NEO1: variants seen among roughly 807,000 people sequenced by gnomAD.
NEO1 encodes neogenin.
Under a neutral mutation model 159.7 loss-of-function variants are expected in NEO1, and 63 were observed. The ratio of observed to expected loss-of-function variants is 0.39; its 90% CI spans 0.32 to 0.49. NEO1 has a LOEUF of 0.49. NEO1 is among the 20% of genes least tolerant of loss of function. NEO1 has a pLI of 0.85. For missense variants in NEO1, 1,615 were observed against 1,831.0 expected (o/e 0.88, Z 2.15); for synonymous variants, 633 against 662.0 (o/e 0.96, Z 0.67).
intron 16 of NEO1, 31 bp from the exon 17 acceptor site, chr15:73,269,979 C>T (rs2041099072): frequency 6.5e-7 from 1 of 1,531,096 alleles, no homozygotes; most frequent in Non-Finnish European, 9.0e-7. Flanking sequence ...ATTAAAATGC[C>T]ACTTCCCTTT....
chr15:73,185,042 T>C (rs1381705358), intron 7 of NEO1, among the ~76,000 whole-genome samples: 4 of 152,170 alleles, frequency 2.6e-5, no homozygotes, highest in Admixed American at 2.6e-4. Flanking sequence ...TTGAAAGGGC[T>C]AAAAACCGTG....
Position 73,228,955 on chromosome 15 carries a change from TTACTG to T in NEO1, c.1292-7389_1292-7385del, listed in dbSNP as rs2038752463. On this transcript the variant is annotated intron_variant, in intron 7 of 28. Coordinates refer to ENST00000261908, the MANE Select transcript of NEO1 (RefSeq NM_002499.4). ...CGATGTGCCTATTCATATGTCTTGATTACTGTAGCTTTACAGTAAATTTTGAAATT... is the reference window on the plus strand; with the variant it reads ...CGATGTGCCTATTCATATGTCTTGATTAGCTTTACAGTAAATTTTGAAATT... Among the ~76,000 whole-genome samples the T allele has an allele frequency of 5.9e-5, 9 of 152,314 alleles. No homozygotes were observed. The South Asian group carries it at 1.9e-3, about 32-fold the overall frequency.
intron 1 of NEO1, among the ~76,000 whole-genome samples, chr15:73,062,017 T>A (rs1420272436): frequency 6.6e-6 from 1 of 152,268 alleles, no homozygotes; most frequent in African/African-American, 2.4e-5. Flanking sequence ...TTTGTGCACA[T>A]GTGCAAGTAA....
Position 73,236,378 on chromosome 15 carries a change from T to C in NEO1, c.1323T>C (p.Ala441=). The C allele has an allele frequency of 6.2e-7, 1 of 1,614,166 alleles. No individual in the cohort carries two copies. The highest frequency in any genetic ancestry group is 1.1e-5 in the South Asian group (1 of 91,084). The part of the protein sequence containing the change: ...APATTGPLPS[A]PRDVVASLVS... ...CCACAACGGGACCACTGCCTTCAGC[T>C]CCTCGGGATGTCGTGGCCTCCCTGG... The change falls in exon 8 of 29, where the codon GCT becomes GCC. Residue 441 remains alanine, a synonymous_variant. Transcript: ENST00000261908.
chr15:73,269,299 G>T (rs1280176458), intron 16 of NEO1, among the ~76,000 whole-genome samples: 1 of 152,136 alleles, frequency 6.6e-6, no homozygotes, highest in Non-Finnish European at 1.5e-5. Flanking sequence ...TGTATTGCTT[G>T]TTTAGAAATT....
At chr15:73,160,968 C>G (rs2034130872) in intron 5 of NEO1, among the ~76,000 whole-genome samples, 3 of 152,020 alleles carry the variant, frequency 2.0e-5, no homozygotes, top group Admixed American at 1.3e-4. Context: ...TTAGGTAGCC[C>G]TCATCTGGAG....
At position 73,116,847 on chromosome 15, in the gene NEO1, C is replaced by T. The variant is rs368274893; in HGVS notation, c.438C>T (p.Leu146=). The T allele has an allele frequency of 2.6e-6, 4 of 1,538,012 alleles. No homozygotes were observed. The highest frequency in any genetic ancestry group is 3.5e-6 in the Non-Finnish European group (4 of 1,147,396). ...CTATTATCAGTAGAACAGCGAAGCTCATAGTAGCAGGTAAGTTTTAAGTGA... is the reference window on the plus strand; with the variant it reads ...CTATTATCAGTAGAACAGCGAAGCTTATAGTAGCAGGTAAGTTTTAAGTGA... The part of the protein sequence containing the change: ...LGTIISRTAK[L]IVAGLPRFTS... The change falls in exon 2 of 29, where the codon CTC becomes CTT. Residue 146 remains leucine (L), a synonymous_variant. Coordinates refer to ENST00000261908, the MANE Select transcript of NEO1 (RefSeq NM_002499.4).
At chr15:73,206,503 C>A (rs16957683) in intron 7 of NEO1, among the ~76,000 whole-genome samples, 43,626 of 151,930 alleles carry the variant, frequency 0.29, 7,302 homozygotes, top group East Asian at 0.57. Context: ...GGTTTTGTCC[C>A]AAGAAAAAAA....
chr15:73,295,838 T>C (rs766360960), intron 26 of NEO1, among the ~76,000 whole-genome samples: 10 of 152,198 alleles, frequency 6.6e-5, no homozygotes, highest in Non-Finnish European at 1.2e-4. Flanking sequence ...CCACTTGACA[T>C]TGGAAAAGCA....
At chr15:73,258,505 A>C (rs934171459) in intron 13 of NEO1, among the ~76,000 whole-genome samples, 2 of 152,216 alleles carry the variant, frequency 1.3e-5, no homozygotes, top group African/African-American at 2.4e-5. Context: ...GCTCTTAAAC[A>C]AAAGTCTGTA....
chr15:73,176,431 T>A lies in NEO1; in HGVS notation c.1044T>A (p.Thr348=). 1 of 1,591,664 alleles carries A rather than the reference T, an allele frequency of 6.3e-7. No individual in the cohort carries two copies. The highest frequency in any genetic ancestry group is 8.6e-7 in the Non-Finnish European group (1 of 1,169,100). The change falls in exon 6 of 29, where the codon ACT becomes ACA. Residue 348 remains threonine, a synonymous_variant. Coordinates refer to ENST00000261908, the MANE Select transcript of NEO1 (RefSeq NM_002499.4). ...AACCTGAATTCCTGAAGCAGCCTACTAATATATATGCTCACGAATCTATGG... is the reference window on the plus strand; with the variant it reads ...AACCTGAATTCCTGAAGCAGCCTACAAATATATATGCTCACGAATCTATGG... ...QAQPEFLKQP[T]NIYAHESMDI... is the part of the protein sequence containing the mutation.
At position 73,301,474 on chromosome 15, in the gene NEO1, A is replaced by C; in HGVS notation, c.4302+17A>C. 1 of 1,614,156 alleles carries C rather than the reference A, an allele frequency of 6.2e-7. No individual in the cohort carries two copies. The highest frequency in any genetic ancestry group is 8.5e-7 in the Non-Finnish European group (1 of 1,180,014). ...TCCGAGAGTGTAAGTTCGTGGGGCCATCAGTCCAGCCAGATTGCCTGGGAA... is the reference window on the plus strand; with the variant it reads ...TCCGAGAGTGTAAGTTCGTGGGGCCCTCAGTCCAGCCAGATTGCCTGGGAA... On this transcript the variant is annotated intron_variant, in intron 28 of 28. Coordinates refer to ENST00000261908, the MANE Select transcript of NEO1 (RefSeq NM_002499.4).
At chr15:73,109,892 G>A (rs2151567909) in intron 1 of NEO1, among the ~76,000 whole-genome samples, 1 of 152,288 alleles carries the variant, frequency 6.6e-6, no homozygotes, top group Non-Finnish European at 1.5e-5. Context: ...TGTGTCTGAG[G>A]TAGATCAGTC....
intron 18 of NEO1, among the ~76,000 whole-genome samples, chr15:73,271,066 C>CT (rs2041144459): frequency 6.6e-6 from 1 of 152,180 alleles, no homozygotes; most frequent in Non-Finnish European, 1.5e-5. Context: ...TTTTGGCCTC[C>CT]TATTTCTCTC....
intron 5 of NEO1, among the ~76,000 whole-genome samples, chr15:73,152,692 G>A (rs1270984285): frequency 2.0e-5 from 3 of 152,074 alleles, no homozygotes; most frequent in Non-Finnish European, 4.4e-5. Context: ...GAGGAATTCT[G>A]GGGAGTGAGC....
At chr15:73,109,851 G>T (rs1185616574) in intron 1 of NEO1, among the ~76,000 whole-genome samples, 3 of 152,126 alleles carry the variant, frequency 2.0e-5, no homozygotes, top group Non-Finnish European at 2.9e-5. Context: ...CAGGAGAGGG[G>T]TTCTGTAAAG....
chr15:73,137,781 G>A (rs965139829), intron 5 of NEO1, among the ~76,000 whole-genome samples: 2 of 152,210 alleles, frequency 1.3e-5, no homozygotes, highest in African/African-American at 2.4e-5. Context: ...ATAGGCATGA[G>A]CCACTGTGCC....
In NEO1 at chr15:73,126,491, G is replaced by C; in HGVS notation, c.799G>C (p.Val267Leu). The C allele has an allele frequency of 6.2e-7, 1 of 1,613,662 alleles. No individual in the cohort carries two copies. Among genetic ancestry groups the C allele is most frequent in the Middle Eastern group, 1.6e-4 (1 of 6,062 alleles). ...AGTCAGAGTCATTGGTCAGGATGTAGTGTTGCCATGTGTTGCTTCAGGACT... is the reference window on the plus strand; with the variant it reads ...AGTCAGAGTCATTGGTCAGGATGTACTGTTGCCATGTGTTGCTTCAGGACT... The part of the protein sequence containing the change: ...PLVRVIGQDV[V>L]LPCVASGLPT... The change falls in exon 4 of 29, where the codon GTG (valine) becomes CTG (leucine). Residue 267 changes from valine to leucine, a missense_variant. Val to Leu is a conservative substitution (Grantham distance 32). This residue lies in a region of NEO1 where 1,018 missense variants were observed against 1,115.4 expected (regional missense o/e 0.91). Coordinates refer to ENST00000261908, the MANE Select transcript of NEO1 (RefSeq NM_002499.4).
chr15:73,100,961 C>T (rs779022814), intron 1 of NEO1, among the ~76,000 whole-genome samples: 61 of 152,136 alleles, frequency 4.0e-4, no homozygotes, highest in Admixed American at 1.9e-3. Flanking sequence ...CTATTCAAGC[C>T]GTTAATGATT....
Sources: gnomAD v4.1 joint callset for allele counts (sites outside exome capture counted in the v4.1 genomes callset) on GRCh38, gnomAD v4.1.1 for gene constraint, gnomAD v4.1.1 regional missense constraint, MANE v1.5 for transcripts, NCBI Gene and HGNC (gene_info 2026-07-23, HGNC 2026-07-21) for gene names.